The following ASTN1 variants were observed in gnomAD, a reference collection of about 807,000 sequenced individuals.
ASTN1 encodes astrotactin 1.
ASTN1 carries 41 observed loss-of-function variants against 140.7 expected under a neutral mutation model. That is an observed-to-expected ratio of 0.29 (90% CI 0.23 to 0.38). The LOEUF (loss-of-function observed/expected upper bound fraction) is 0.38, where lower values mean the gene tolerates loss of function less well. Ranked by LOEUF, ASTN1 falls within the 10% of genes least tolerant of loss-of-function variation. The pLI is 1.00. For synonymous variants in ASTN1, 640 were observed against 652.2 expected (o/e 0.98, Z 0.29); for missense variants, 1,479 against 1,678.8 (o/e 0.88, Z 2.08).
intron 1 of ASTN1, among the ~76,000 whole-genome samples, chr1:177,143,564 G>A (rs1416069375): frequency 1.3e-5 from 2 of 152,158 alleles, no homozygotes; most frequent in Non-Finnish European, 2.9e-5. Flanking sequence ...CATTTATGTT[G>A]ACAGAGATTC....
At chr1:177,144,653 G>C (rs1682641623) in intron 1 of ASTN1, among the ~76,000 whole-genome samples, 1 of 149,870 alleles carries the variant, frequency 6.7e-6, no homozygotes, top group Admixed American at 6.7e-5. Flanking sequence ...AGGAACCACA[G>C]CTTTAAAATT....
intron 18 of ASTN1, among the ~76,000 whole-genome samples, chr1:176,885,494 C>T (rs946293803): frequency 6.6e-6 from 1 of 152,158 alleles, no homozygotes; most frequent in Non-Finnish European, 1.5e-5. Context: ...TGGGAATGTT[C>T]CCCATTCCTG....
chr1:176,956,759 G>C (rs1265186915), intron 11 of ASTN1, among the ~76,000 whole-genome samples: 1 of 152,152 alleles, frequency 6.6e-6, no homozygotes, highest in African/African-American at 2.4e-5. Context: ...TATAAGAATG[G>C]CCCACACAAA....
chr1:177,006,354 T>C (rs1242554379), intron 8 of ASTN1, among the ~76,000 whole-genome samples: 1 of 151,760 alleles, frequency 6.6e-6, no homozygotes, highest in Non-Finnish European at 1.5e-5. Flanking sequence ...AAAATCGTAA[T>C]GGCAGTTTTC....
chr1:176,946,438 CT>C (rs1192936306), intron 12 of ASTN1, among the ~76,000 whole-genome samples: 2 of 152,162 alleles, frequency 1.3e-5, no homozygotes, highest in Non-Finnish European at 2.9e-5. Context: ...TGAAGATAAG[CT>C]TGCAAATGAG....
intron 18 of ASTN1, among the ~76,000 whole-genome samples, chr1:176,885,346 C>G (rs1449276129): frequency 6.6e-6 from 1 of 152,228 alleles, no homozygotes; most frequent in African/African-American, 2.4e-5. Context: ...ACTTAATAAT[C>G]CTTGTTGGCA....
At chr1:176,950,365 T>C (rs1272600514) in intron 11 of ASTN1, among the ~76,000 whole-genome samples, 1 of 152,188 alleles carries the variant, frequency 6.6e-6, no homozygotes, top group Admixed American at 6.5e-5. Context: ...GTAGGTTGGC[T>C]GTGGAGTCCG....
intron 1 of ASTN1, among the ~76,000 whole-genome samples, chr1:177,072,472 T>G (rs953822026): frequency 2.0e-5 from 3 of 152,166 alleles, no homozygotes; most frequent in African/African-American, 7.2e-5. Flanking sequence ...AGATGACCTC[T>G]AAATGACCTG....
intron 4 of ASTN1, 108 bp downstream of exon 4, chr1:177,030,698 C>T (rs1676385474): frequency 1.4e-6 from 2 of 1,464,104 alleles, no homozygotes; most frequent in Non-Finnish European, 9.3e-7. Context: ...TGTGCCAGGG[C>T]ATACCCTCTC....
chr1:177,158,619 T>C (rs1475079738), intron 1 of ASTN1, among the ~76,000 whole-genome samples: 1 of 151,862 alleles, frequency 6.6e-6, no homozygotes, highest in Non-Finnish European at 1.5e-5. Flanking sequence ...GCCTTTTAAG[T>C]TTAATTACAT....
intron 2 of ASTN1, among the ~76,000 whole-genome samples, chr1:177,040,629 A>G (rs1309234482): frequency 6.6e-6 from 1 of 152,206 alleles, no homozygotes; most frequent in Non-Finnish European, 1.5e-5. Context: ...AGTCCTTCCA[A>G]CCTAAAGAGG....
intron 8 of ASTN1, among the ~76,000 whole-genome samples, chr1:176,999,729 G>T (rs886257217): frequency 6.6e-6 from 1 of 152,046 alleles, no homozygotes; most frequent in Admixed American, 6.5e-5. Flanking sequence ...CCGGTGGGAG[G>T]TAATTGAATC....
intron 1 of ASTN1, among the ~76,000 whole-genome samples, chr1:177,111,110 T>C (rs755391473): frequency 3.3e-5 from 5 of 152,192 alleles, no homozygotes; most frequent in Non-Finnish European, 5.9e-5. Context: ...GAAGACCTGG[T>C]AGTTGGGACA....
At chr1:176,967,035 C>A (rs896797219) in intron 8 of ASTN1, among the ~76,000 whole-genome samples, 4 of 152,092 alleles carry the variant, frequency 2.6e-5, no homozygotes, top group Admixed American at 1.3e-4. Flanking sequence ...AAATTAATTA[C>A]CCAGAGTCTT....
At chr1:177,101,390 C>T (rs1286897842) in intron 1 of ASTN1, among the ~76,000 whole-genome samples, 1 of 152,200 alleles carries the variant, frequency 6.6e-6, no homozygotes, top group Non-Finnish European at 1.5e-5. Context: ...CAACCTACAG[C>T]TACTCTCAAT....
At chr1:176,919,225 A>G (rs775232081) in intron 16 of ASTN1, among the ~76,000 whole-genome samples, 2 of 152,222 alleles carry the variant, frequency 1.3e-5, no homozygotes, top group Non-Finnish European at 2.9e-5. Flanking sequence ...TTAGATACTC[A>G]GTACATGTTC....
At chr1:177,073,200 G>C (rs931261446) in intron 1 of ASTN1, among the ~76,000 whole-genome samples, 1 of 152,124 alleles carries the variant, frequency 6.6e-6, no homozygotes, top group Non-Finnish European at 1.5e-5. Flanking sequence ...TGTGCCAGGG[G>C]ACATTCATCC....
At chr1:177,031,856 C>T (rs192398127) in intron 3 of ASTN1, among the ~76,000 whole-genome samples, 165 of 152,268 alleles carry the variant, frequency 1.1e-3, no homozygotes, top group African/African-American at 3.8e-3. Flanking sequence ...TAATCTTGTT[C>T]ATCTGGATTA....
In ASTN1 at chr1:177,032,724, A is replaced by G; in HGVS notation, c.597T>C (p.Asn199=). ...GCACAGAAGGAATGTAGTGAATCTC[A>G]TTGGCTGCCTCAGCACTGGCACTCT... ...PQKSASAEAA[N]EIHYIPSVLI... Residue 199 remains asparagine, a synonymous_variant, in exon 3 of 23, where the codon AAT becomes AAC. Coordinates refer to ENST00000361833, the MANE Select transcript of ASTN1 (RefSeq NM_004319.3). 6.2e-7 allele frequency: 1 copy of G among 1,603,688 alleles called. No individual in the cohort carries two copies. The highest frequency in any genetic ancestry group is 2.2e-5 in the East Asian group (1 of 44,646).
Sources: gnomAD v4.1 joint callset for allele counts (sites outside exome capture counted in the v4.1 genomes callset) on GRCh38, gnomAD v4.1.1 for gene constraint, MANE v1.5 for transcripts, NCBI Gene and HGNC (gene_info 2026-07-23, HGNC 2026-07-21) for gene names.